Variants in FAM81A observed in about 807,000 individuals in gnomAD.
The protein encoded by FAM81A is protein FAM81A.
In FAM81A, 19 loss-of-function variants were observed where a neutral mutation model predicts 46.7. The observed-to-expected ratio is 0.41, with a 90% CI of 0.28 to 0.60. The LOEUF is 0.60. FAM81A is among the 20% of genes least tolerant of loss of function. FAM81A has a pLI of 0.34. For synonymous variants in FAM81A, 183 were observed against 152.9 expected (o/e 1.20, Z -1.45); for missense variants, 377 against 453.5 (o/e 0.83, Z 1.53).
chr15:59,423,965 C>T (rs1185970426), intron 2 of FAM81A, among the ~76,000 whole-genome samples: 1 of 152,174 alleles, frequency 6.6e-6, no homozygotes, highest in Non-Finnish European at 1.5e-5. Context: ...TGGCTACCTT[C>T]CCATTTGTCT....
chr15:59,483,695 A>G lies in FAM81A; in HGVS notation c.295-8576A>G, dbSNP rs142995830. 5.6e-3 allele frequency among the ~76,000 whole-genome samples: 847 copies of G among 152,318 alleles called. 11 individuals are homozygous for G. Among genetic ancestry groups the G allele is most frequent in the African/African-American group, 0.019 (802 of 41,572 alleles). ...TCTCAAGAAACCCTTGGATTGGTGCAGAAGGCAAGAGAAGATGGTGGTTTA... is the reference window on the plus strand; with the variant it reads ...TCTCAAGAAACCCTTGGATTGGTGCGGAAGGCAAGAGAAGATGGTGGTTTA... On this transcript the variant is annotated intron_variant, in intron 3 of 8. Transcript: ENST00000288228.
chr15:59,443,712 CCAGA>C (rs2081325219), intron 1 of FAM81A, among the ~76,000 whole-genome samples: 2 of 152,172 alleles, frequency 1.3e-5, no homozygotes, highest in African/African-American at 4.8e-5. Context: ...ACTCCCACAT[CCAGA>C]CAGTCATTGA....
intron 2 of FAM81A, among the ~76,000 whole-genome samples, chr15:59,428,365 T>C (rs1396025985): frequency 6.6e-6 from 1 of 151,876 alleles, no homozygotes; most frequent in Non-Finnish European, 1.5e-5. Flanking sequence ...CCATCAGACC[T>C]GCTTGACATC....
intron 4 of FAM81A, among the ~76,000 whole-genome samples, chr15:59,497,969 A>T (rs1381337645): frequency 6.6e-6 from 1 of 152,130 alleles, no homozygotes. Flanking sequence ...CAATCCTCCC[A>T]CCTCAGCTTC....
At chr15:59,492,969 A>G (rs1437388270) in intron 4 of FAM81A, among the ~76,000 whole-genome samples, 2 of 152,182 alleles carry the variant, frequency 1.3e-5, no homozygotes, top group African/African-American at 2.4e-5. Context: ...TATGCATGGG[A>G]AAGTCCGGGA....
At chr15:59,433,031 A>C (rs1229802979) in intron 2 of FAM81A, among the ~76,000 whole-genome samples, 1 of 148,316 alleles carries the variant, frequency 6.7e-6, no homozygotes, top group Non-Finnish European at 1.5e-5. Flanking sequence ...AGTCCCAGCT[A>C]CTCGGGAGGC....
intron 1 of FAM81A, chr15:59,401,136 G>A (rs1567034177): frequency 5.6e-6 from 4 of 715,780 alleles, no homozygotes; most frequent in Non-Finnish European, 1.0e-5. Flanking sequence ...ATGTATGGCT[G>A]TTTGGTAGTA....
In FAM81A at chr15:59,485,468, C is replaced by A. The variant is rs551029489; in HGVS notation, c.295-6803C>A. ...AAGTAAGGGAAGGGAAGGAGAGTCT[C>A]TGCCTGGTAATCCAGAGAAATCTTC... On this transcript the variant is annotated intron_variant, in intron 3 of 8. Coordinates refer to ENST00000288228, the MANE Select transcript of FAM81A (RefSeq NM_152450.3). Among the ~76,000 whole-genome samples, 18 of 152,318 alleles carry A rather than the reference C, an allele frequency of 1.2e-4. 1 individual carries two copies. The highest frequency in any genetic ancestry group is 3.8e-4 in the African/African-American group (16 of 41,576).
At chr15:59,496,732 T>C (rs192929182) in intron 4 of FAM81A, among the ~76,000 whole-genome samples, 102 of 152,380 alleles carry the variant, frequency 6.7e-4, no homozygotes, top group African/African-American at 2.4e-3. Context: ...TGCTATAGCT[T>C]TGTGGTACAT....
intron 2 of FAM81A, among the ~76,000 whole-genome samples, chr15:59,423,024 G>C (rs928347056): frequency 2.0e-5 from 3 of 152,130 alleles, no homozygotes; most frequent in African/African-American, 4.8e-5. Context: ...CTACATGTGA[G>C]AGACTTTGTA....
At chr15:59,450,702 C>A (rs554066548) in intron 1 of FAM81A, among the ~76,000 whole-genome samples, 1 of 152,154 alleles carries the variant, frequency 6.6e-6, no homozygotes, top group Admixed American at 6.6e-5. Context: ...ATATTAAGAA[C>A]AACAACAACA....
At chr15:59,433,865 C>A (rs561918600), upstream of FAM81A, among the ~76,000 whole-genome samples, 8 of 152,160 alleles carry the variant, frequency 5.3e-5, no homozygotes, top group African/African-American at 1.9e-4. Flanking sequence ...AGACATAATA[C>A]CTTTGGGACC....
At chr15:59,462,656 G>A (rs2081566894) in intron 3 of FAM81A, among the ~76,000 whole-genome samples, 1 of 152,076 alleles carries the variant, frequency 6.6e-6, no homozygotes, top group Non-Finnish European at 1.5e-5. Flanking sequence ...CCATTAAAAA[G>A]TAACTCCCCA....
chr15:59,474,004 A>G (rs1405791051), intron 3 of FAM81A, among the ~76,000 whole-genome samples: 1 of 152,088 alleles, frequency 6.6e-6, no homozygotes, highest in Non-Finnish European at 1.5e-5. Flanking sequence ...ATAATTTCCA[A>G]CTTCAGCTGG....
intron 2 of FAM81A, among the ~76,000 whole-genome samples, chr15:59,410,192 G>A (rs2081114283): frequency 6.6e-6 from 1 of 152,022 alleles, no homozygotes; most frequent in Non-Finnish European, 1.5e-5. Flanking sequence ...AGCTACCTAG[G>A]AGGCTGAGGC....
At chr15:59,490,839 G>GAAAA (rs1435488147) in intron 3 of FAM81A, among the ~76,000 whole-genome samples, 1 of 152,002 alleles carries the variant, frequency 6.6e-6, no homozygotes, top group Non-Finnish European at 1.5e-5. Flanking sequence ...GTCTCAAAAA[G>GAAAA]CAAACAAACA....
intron 1 of FAM81A, among the ~76,000 whole-genome samples, chr15:59,454,208 G>T (rs2081454726): frequency 6.6e-6 from 1 of 152,120 alleles, no homozygotes; most frequent in Non-Finnish European, 1.5e-5. Context: ...ATTCATAAAT[G>T]CTTTGCCTAT....
At chr15:59,505,919 T>C (rs1011473501) in intron 4 of FAM81A, among the ~76,000 whole-genome samples, 13 of 152,322 alleles carry the variant, frequency 8.5e-5, no homozygotes, top group Non-Finnish European at 1.6e-4. Flanking sequence ...CCACTTTCCT[T>C]GAATGTCTGG....
At chr15:59,493,201 T>A (rs16941448) in intron 4 of FAM81A, among the ~76,000 whole-genome samples, 12,450 of 152,254 alleles carry the variant, frequency 0.082, 611 homozygotes, top group African/African-American at 0.13. Context: ...AAGGACCTCC[T>A]GCATGCAAGG....
Sources: gnomAD v4.1 joint callset for allele counts (sites outside exome capture counted in the v4.1 genomes callset) on GRCh38, gnomAD v4.1.1 for gene constraint, MANE v1.5 for transcripts, NCBI Gene and HGNC (gene_info 2026-07-23, HGNC 2026-07-21) for gene names.